The following PKNOX2 variants were observed in gnomAD, a reference collection of about 807,000 sequenced individuals.
The protein encoded by PKNOX2 is homeobox protein PKNOX2.
A neutral mutation model predicts 53.1 loss-of-function variants in PKNOX2; 14 were observed. The ratio of observed to expected loss-of-function variants is 0.26; its 90% CI spans 0.17 to 0.41. PKNOX2 has a LOEUF of 0.41. Among genes scored for constraint, PKNOX2 ranks in the 10% least tolerant of loss-of-function variants. The pLI is 1.00. For synonymous variants in PKNOX2, 257 were observed against 242.8 expected, an observed-to-expected ratio of 1.06 and a Z score of -0.54; for missense variants, 496 against 602.8, an observed-to-expected ratio of 0.82 and a Z score of 1.85.
At chr11:125,261,569 C>T (rs1944845641) in intron 2 of PKNOX2, among the ~76,000 whole-genome samples, 1 of 152,240 alleles carries the variant, frequency 6.6e-6, no homozygotes, top group Non-Finnish European at 1.5e-5. Context: ...CCACCACACT[C>T]CCAGTGGTAG....
rs556570302 is a variant in PKNOX2, at chr11:125,328,892, C to G, written c.-129-2927C>G. Among the ~76,000 whole-genome samples the G allele has an allele frequency of 8.5e-5, 13 of 152,348 alleles. No individual in the cohort carries two copies. In the South Asian group the frequency reaches 2.7e-3, roughly 32 times the overall value. ...CAACTACCTGGCAAGGGAAAGGCATCTCTCATACGCTGCTGATAGGATGTA... is the reference window on the plus strand; with the variant it reads ...CAACTACCTGGCAAGGGAAAGGCATGTCTCATACGCTGCTGATAGGATGTA... On this transcript the variant is annotated intron_variant, in intron 2 of 12. Transcript: ENST00000298282.
intron 2 of PKNOX2, among the ~76,000 whole-genome samples, chr11:125,238,595 G>A (rs1942918192): frequency 6.6e-6 from 1 of 152,142 alleles, no homozygotes; most frequent in Admixed American, 6.5e-5. Context: ...ATGTCTGATG[G>A]CATCATCCCC....
chr11:125,429,154 G>A (rs901174470), intron 11 of PKNOX2, 66 bp downstream of exon 11: 132 of 1,454,566 alleles, frequency 9.1e-5, no homozygotes, highest in South Asian at 1.2e-4. Flanking sequence ...AGGGGAATGC[G>A]TAGCAGGGAA....
chr11:125,367,285 C>G (rs940078843), intron 4 of PKNOX2, among the ~76,000 whole-genome samples: 3 of 152,148 alleles, frequency 2.0e-5, no homozygotes, highest in Non-Finnish European at 4.4e-5. Context: ...TGGCCAAGAA[C>G]AAGAATCTGT....
In PKNOX2 at chr11:125,332,438, G is replaced by C. The variant is rs189702873; in HGVS notation, c.-23+513G>C. ...ATTCCAGGTGTTTCTGATGAACTCTGAGAAATGGTTCTTTTGAATGTATAA... is the reference window on the plus strand; with the variant it reads ...ATTCCAGGTGTTTCTGATGAACTCTCAGAAATGGTTCTTTTGAATGTATAA... On this transcript the variant is annotated intron_variant, in intron 3 of 12. Coordinates refer to ENST00000298282, the MANE Select transcript of PKNOX2 (RefSeq NM_001382323.2). Among the ~76,000 whole-genome samples, 5 of 152,284 alleles carry C rather than the reference G, an allele frequency of 3.3e-5. No individual in the cohort carries two copies. The East Asian group carries it at 9.6e-4, about 29-fold the overall frequency.
chr11:125,168,745 G>A (rs547137875), intron 1 of PKNOX2, among the ~76,000 whole-genome samples: 1 of 152,328 alleles, frequency 6.6e-6, no homozygotes, highest in South Asian at 2.1e-4. Flanking sequence ...TTTACCTTCC[G>A]TGAATCCAAC....
intron 2 of PKNOX2, among the ~76,000 whole-genome samples, chr11:125,272,041 C>T (rs1428669359): frequency 6.6e-6 from 1 of 152,250 alleles, no homozygotes; most frequent in Non-Finnish European, 1.5e-5. Flanking sequence ...AGCCCAGAGC[C>T]ACTCGGTGCC....
At chr11:125,414,030 C>G (rs1955727951) in intron 10 of PKNOX2, among the ~76,000 whole-genome samples, 1 of 152,176 alleles carries the variant, frequency 6.6e-6, no homozygotes. Flanking sequence ...ATCTCTGTCC[C>G]TCCTGGTCAT....
At chr11:125,356,029 AC>A (rs66888533) in intron 4 of PKNOX2, among the ~76,000 whole-genome samples, 13,586 of 89,606 alleles carry the variant, frequency 0.15, 1,003 homozygotes, top group African/African-American at 0.28. Context: ...CACTATCAGC[AC>A]CCCCCCCCCC....
At chr11:125,366,973 C>T (rs1952221850) in intron 4 of PKNOX2, among the ~76,000 whole-genome samples, 1 of 152,180 alleles carries the variant, frequency 6.6e-6, no homozygotes, top group African/African-American at 2.4e-5. Context: ...CCCAACACCA[C>T]ATGTGGGGAG....
intron 2 of PKNOX2, among the ~76,000 whole-genome samples, chr11:125,321,920 G>C (rs113423549): frequency 4.1e-4 from 62 of 152,298 alleles, no homozygotes; most frequent in African/African-American, 1.3e-3. Context: ...CCTCACACAG[G>C]GGGTGGGCAA....
intron 4 of PKNOX2, among the ~76,000 whole-genome samples, chr11:125,364,603 C>G (rs1039543258): frequency 1.2e-4 from 19 of 152,230 alleles, no homozygotes; most frequent in African/African-American, 4.6e-4. Flanking sequence ...GCAGAGCACA[C>G]TGCTCCCCCT....
At chr11:125,278,316 A>G (rs1439771807) in intron 2 of PKNOX2, among the ~76,000 whole-genome samples, 3 of 152,158 alleles carry the variant, frequency 2.0e-5, no homozygotes, top group Non-Finnish European at 4.4e-5. Flanking sequence ...GCTGTCCCCA[A>G]CAGAAAGGGC....
chr11:125,406,326 C>T (rs552974835), intron 7 of PKNOX2, among the ~76,000 whole-genome samples: 57 of 152,228 alleles, frequency 3.7e-4, no homozygotes, highest in Admixed American at 9.8e-4. Flanking sequence ...TAGTCAGAGA[C>T]GATGCTTAGG....
chr11:125,212,583 G>A (rs1939994128), intron 1 of PKNOX2, among the ~76,000 whole-genome samples: 2 of 150,938 alleles, frequency 1.3e-5, no homozygotes, highest in Admixed American at 1.3e-4. Flanking sequence ...TTCTTAAAGA[G>A]CCTGTCAGAG....
At chr11:125,419,883 T>TAAAA (rs377369369) in intron 10 of PKNOX2, among the ~76,000 whole-genome samples, 1 of 99,486 alleles carries the variant, frequency 1.0e-5, no homozygotes, top group Non-Finnish European at 2.1e-5. Context: ...AAGAAAAAAT[T>TAAAA]AAAAAAAAAA....
intron 2 of PKNOX2, among the ~76,000 whole-genome samples, chr11:125,274,643 C>A (rs959149819): frequency 6.6e-6 from 1 of 152,234 alleles, no homozygotes; most frequent in Non-Finnish European, 1.5e-5. Flanking sequence ...GAGGACTTGA[C>A]CTGAGGCTGG....
At chr11:125,204,329 G>A (rs985508408) in intron 1 of PKNOX2, among the ~76,000 whole-genome samples, 13 of 152,198 alleles carry the variant, frequency 8.5e-5, no homozygotes, top group African/African-American at 1.4e-4. Context: ...GCTGGGCACC[G>A]TGTTAAGATG....
chr11:125,180,025 C>A (rs79487434), intron 1 of PKNOX2, among the ~76,000 whole-genome samples: 3 of 152,168 alleles, frequency 2.0e-5, no homozygotes, highest in Non-Finnish European at 2.9e-5. Context: ...GCTCACTACA[C>A]GCACACGGGC....
Sources: gnomAD v4.1 joint callset for allele counts (sites outside exome capture counted in the v4.1 genomes callset) on GRCh38, gnomAD v4.1.1 for gene constraint, MANE v1.5 for transcripts, NCBI Gene and HGNC (gene_info 2026-07-23, HGNC 2026-07-21) for gene names.